The following EXT2 variants were observed in gnomAD, a reference collection of about 807,000 sequenced individuals.
EXT2 encodes exostosin glycosyltransferase 2, also known as exostosin-2.
EXT2 carries 53 observed loss-of-function variants against 81.6 expected under a neutral mutation model. That is an observed-to-expected ratio of 0.65 (90% CI 0.52 to 0.82). EXT2 has a LOEUF of 0.82. Among genes scored for constraint, EXT2 ranks in the 40% least tolerant of loss-of-function variants. The pLI is 0.00. For synonymous variants in EXT2, 320 were observed against 340.0 expected, an observed-to-expected ratio of 0.94 and a Z score of 0.65; for missense variants, 774 against 910.2, an observed-to-expected ratio of 0.85 and a Z score of 1.93.
intron 8 of EXT2, among the ~76,000 whole-genome samples, chr11:44,175,022 A>G (rs985433316): frequency 2.0e-5 from 3 of 152,232 alleles, no homozygotes; most frequent in Admixed American, 6.5e-5. Flanking sequence ...TCTGTGAGAA[A>G]CAAGTGATCA....
intron 9 of EXT2, among the ~76,000 whole-genome samples, chr11:44,205,471 G>A (rs1012181486): frequency 1.3e-5 from 2 of 152,170 alleles, no homozygotes; most frequent in Admixed American, 6.5e-5. Flanking sequence ...CTTTGGTCAC[G>A]GATTCAGCCC....
At chr11:44,115,253 C>T (rs1954205433) in intron 4 of EXT2, among the ~76,000 whole-genome samples, 1 of 152,166 alleles carries the variant, frequency 6.6e-6, no homozygotes, top group East Asian at 1.9e-4. Flanking sequence ...CAGAGTCTTG[C>T]TATGTTGCCC....
In EXT2 at chr11:44,251,804, C is replaced by T. The variant is rs987615453; in HGVS notation, c.*7517C>T. 6.6e-6 allele frequency among the ~76,000 whole-genome samples: 1 copy of T among 152,182 alleles called. No homozygotes were observed. Among genetic ancestry groups the T allele is most frequent in the African/African-American group, 2.4e-5 (1 of 41,424 alleles). On this transcript the variant is annotated 3_prime_UTR_variant, in exon 14 of 14. Coordinates refer to ENST00000533608, the MANE Select transcript of EXT2 (RefSeq NM_207122.2). ...CTTCAGTCAACAAATACTTATTGAG[C>T]AGTTATTGTGTGCCAGATACTGTTC...
intron 7 of EXT2, chr11:44,144,442 T>C: frequency 1.0e-6 from 1 of 992,522 alleles, no homozygotes; most frequent in South Asian, 1.5e-5. Flanking sequence ...GGCTCCTGCT[T>C]TAGTAACCTT....
At chr11:44,148,008 G>T (rs901212961) in intron 7 of EXT2, among the ~76,000 whole-genome samples, 1 of 151,974 alleles carries the variant, frequency 6.6e-6, no homozygotes. Context: ...GTAGTGGGAC[G>T]GCCAGCAGTC....
At position 44,108,028 on chromosome 11, in the gene EXT2, G is replaced by A. The variant is rs1287157170; in HGVS notation, c.316G>A (p.Val106Met). 1.2e-6 allele frequency: 2 copies of A among 1,614,164 alleles called. No individual in the cohort carries two copies. Among genetic ancestry groups the A allele is most frequent in the South Asian group, 1.1e-5 (1 of 91,078 alleles). ...CTTCAACCCAAAGAACAAAATCAAG[G>A]TGTATATCTATGCTCTGAAAAAGTA... Reference protein sequence around the residue: ...CGFNPKNKIKVYIYALKKYVD... With the variant: ...CGFNPKNKIKMYIYALKKYVD... The change falls in exon 2 of 14, where the codon GTG becomes ATG. Residue 106 changes from valine (V) to methionine (M), a missense_variant. Coordinates refer to ENST00000533608, the MANE Select transcript of EXT2 (RefSeq NM_207122.2).
chr11:44,122,647 C>T (rs1181552775), intron 4 of EXT2, among the ~76,000 whole-genome samples: 1 of 152,180 alleles, frequency 6.6e-6, no homozygotes, highest in Non-Finnish European at 1.5e-5. Context: ...GAAAAAGGAA[C>T]CAGTCTGTAC....
In EXT2 at chr11:44,170,703, C is replaced by CAT. The variant is rs112897722; in HGVS notation, c.1174-905_1174-904dup. On this transcript the variant is annotated intron_variant, in intron 7 of 13. Coordinates refer to ENST00000533608, the MANE Select transcript of EXT2 (RefSeq NM_207122.2). ...AAATTTAACAATTAGTTGGAATGAA[C>CAT]ATATCCCTTGAAAAACACTGTTTAT... is the stretch of plus-strand genomic sequence containing the variant. 6.7e-3 allele frequency among the ~76,000 whole-genome samples: 1,013 copies of CAT among 152,134 alleles called. 10 individuals are homozygous for CAT. The highest frequency in any genetic ancestry group is 0.022 in the African/African-American group (928 of 41,508).
At position 44,248,814 on chromosome 11, in the gene EXT2, C is replaced by T. The variant is rs76485306; in HGVS notation, c.*4527C>T. ...GTCATTCTTTCAATTTCCGGCTCAC[C>T]ATTGCTGGCAACAGTGGGAAGATGA... On this transcript the variant is annotated 3_prime_UTR_variant, in exon 14 of 14. Transcript: ENST00000533608. 4.9e-3 allele frequency among the ~76,000 whole-genome samples: 745 copies of T among 152,246 alleles called. 7 individuals are homozygous for T. Among genetic ancestry groups the T allele is most frequent in the African/African-American group, 0.017 (721 of 41,518 alleles).
chr11:44,183,551 T>A (rs1345510558), intron 8 of EXT2, among the ~76,000 whole-genome samples: 2 of 152,224 alleles, frequency 1.3e-5, no homozygotes, highest in Non-Finnish European at 2.9e-5. Flanking sequence ...TCTTTCCTTC[T>A]AGAATTCTAT....
intron 10 of EXT2, among the ~76,000 whole-genome samples, chr11:44,209,488 A>G (rs1344259385): frequency 1.3e-5 from 2 of 152,220 alleles, no homozygotes; most frequent in Non-Finnish European, 2.9e-5. Context: ...GAAGGGACTC[A>G]GTTTAGTGTT....
At chr11:44,112,066 C>A (rs1311891983) in intron 3 of EXT2, among the ~76,000 whole-genome samples, 1 of 151,972 alleles carries the variant, frequency 6.6e-6, no homozygotes, top group African/African-American at 2.4e-5. Flanking sequence ...TTGTGCAAAA[C>A]CTGAAGCTTT....
At chr11:44,242,174 A>G (rs1956045352) in intron 13 of EXT2, among the ~76,000 whole-genome samples, 2 of 152,108 alleles carry the variant, frequency 1.3e-5, no homozygotes. Flanking sequence ...TATGCTGGGA[A>G]CAGCTGGGCT....
intron 4 of EXT2, among the ~76,000 whole-genome samples, chr11:44,115,398 C>T (rs1250503698): frequency 6.6e-6 from 1 of 152,082 alleles, no homozygotes; most frequent in African/African-American, 2.4e-5. Flanking sequence ...CATTTCTTGG[C>T]TCATATTTTA....
At chr11:44,181,138 A>G (rs1241532096) in intron 8 of EXT2, among the ~76,000 whole-genome samples, 1 of 152,050 alleles carries the variant, frequency 6.6e-6, no homozygotes, top group Non-Finnish European at 1.5e-5. Context: ...TACACTTGTG[A>G]TTAATAATTG....
Position 44,108,096 on chromosome 11 carries a change from G to C in EXT2, c.384G>C (p.Arg128=). Residue 128 remains arginine (R), a synonymous_variant, in exon 2 of 14, where the codon CGG becomes CGC. Coordinates refer to ENST00000533608, the MANE Select transcript of EXT2 (RefSeq NM_207122.2). ...FGVSVSNTIS[R]EYNELLMAIS... is the part of the protein sequence containing the mutation. ...TCTCTGTCAGCAACACCATCTCCCG[G>C]GAGTATAATGAACTGCTCATGGCCA... 1 of 1,614,160 alleles carries C rather than the reference G, an allele frequency of 6.2e-7. No homozygotes were observed. The highest frequency in any genetic ancestry group is 8.5e-7 in the Non-Finnish European group (1 of 1,180,024).
rs183881883 is a variant in EXT2 at position 44,233,671 on chromosome 11, T to C, written c.1807-444T>C. On this transcript the variant is annotated intron_variant, in intron 11 of 13. Transcript: ENST00000533608. The stretch of plus-strand genomic sequence containing the variant: ...TAGCTGTATTCATATCGATTGTTTG[T>C]TGTTAGCTCAGCACTACTGCCCTCA... Among the ~76,000 whole-genome samples the C allele has an allele frequency of 3.3e-5, 5 of 152,324 alleles. No individual in the cohort carries two copies. In the East Asian group the frequency reaches 9.6e-4, roughly 29 times the overall value.
At chr11:44,239,802 A>G (rs1956015279) in intron 13 of EXT2, among the ~76,000 whole-genome samples, 3 of 150,626 alleles carry the variant, frequency 2.0e-5, no homozygotes, top group Non-Finnish European at 4.4e-5. Context: ...GTGGAACTAG[A>G]ATTTCAGAAA....
chr11:44,148,803 A>G lies in EXT2; in HGVS notation c.1173+18665A>G, dbSNP rs141480047. Among the ~76,000 whole-genome samples, 1,100 of 152,260 alleles carry G rather than the reference A, an allele frequency of 7.2e-3. 7 individuals carry two copies. The highest frequency in any genetic ancestry group is 0.011 in the Non-Finnish European group (766 of 68,014). On this transcript the variant is annotated intron_variant, in intron 7 of 13. Coordinates refer to ENST00000533608, the MANE Select transcript of EXT2 (RefSeq NM_207122.2). ...TTCCTCTGGTGGGAACAGGTGTTAG[A>G]TGATGCTGATAGTGATGATGGTGAG...
Sources: allele counts gnomAD v4.1 joint callset (sites outside exome capture counted in the v4.1 genomes callset), GRCh38; gene constraint gnomAD v4.1.1; transcripts MANE v1.5; gene names NCBI Gene and HGNC (gene_info 2026-07-23, HGNC 2026-07-21).